ACSM2B: variants seen among roughly 807,000 people sequenced by gnomAD.
ACSM2B encodes acyl-coenzyme A synthetase ACSM2B, mitochondrial.
A neutral mutation model predicts 78.6 loss-of-function variants in ACSM2B; 58 were observed. The ratio of observed to expected loss-of-function variants is 0.74; its 90% CI spans 0.60 to 0.92. ACSM2B has a LOEUF of 0.92. ACSM2B is among the 40% of genes least tolerant of loss of function. The pLI, the probability that ACSM2B is intolerant of heterozygous loss-of-function variation, is 0.00. For missense variants in ACSM2B, 688 were observed against 711.2 expected, an observed-to-expected ratio of 0.97 and a Z score of 0.37; for synonymous variants, 257 against 256.8, an observed-to-expected ratio of 1.00 and a Z score of -0.01.
chr16:20,559,852 C>A (rs1567214558), intron 2 of ACSM2B, among the ~76,000 whole-genome samples: 1 of 150,972 alleles, frequency 6.6e-6, no homozygotes, highest in East Asian at 1.9e-4. Flanking sequence ...TGGATCCTCT[C>A]ATCTGATTCT....
chr16:20,544,942 T>C (rs1274789270), intron 10 of ACSM2B: 179 of 1,053,646 alleles, frequency 1.7e-4, no homozygotes, highest in Non-Finnish European at 2.1e-4. Context: ...TGAAGAAAAA[T>C]AAGTCTTCCA....
chr16:20,550,937 C>T (rs1485640490), intron 6 of ACSM2B, among the ~76,000 whole-genome samples: 3 of 152,034 alleles, frequency 2.0e-5, no homozygotes, highest in Non-Finnish European at 2.9e-5. Context: ...TTGGAAATAA[C>T]CCAAAGTTCA....
At chr16:20,558,962 T>C (rs1361536945) in intron 3 of ACSM2B, among the ~76,000 whole-genome samples, 1 of 152,232 alleles carries the variant, frequency 6.6e-6, no homozygotes, top group Admixed American at 6.5e-5. Context: ...TCTGATTAAA[T>C]ACTTACATGT....
intron 2 of ACSM2B, among the ~76,000 whole-genome samples, chr16:20,560,353 T>C (rs764485876): frequency 2.1e-4 from 32 of 151,960 alleles, no homozygotes; most frequent in South Asian, 8.4e-4. Context: ...GGGACCCTCA[T>C]GAATGGCTTA....
chr16:20,552,331 G>A (rs969672070), intron 5 of ACSM2B, 34 bp from the exon 6 acceptor site: 1 of 1,592,510 alleles, frequency 6.3e-7, no homozygotes, highest in African/African-American at 1.3e-5. Context: ...GTACATATAG[G>A]TGGGTGCATG....
At position 20,548,243 on chromosome 16, in the gene ACSM2B, G is replaced by C. The variant is rs192049191; in HGVS notation, c.975-58C>G. The C allele has an allele frequency of 4.1e-4, 660 of 1,611,820 alleles. 10 individuals are homozygous for C. In the East Asian group the frequency reaches 0.014, roughly 34 times the overall value. The stretch of plus-strand genomic sequence containing the variant: ...CTCCCTGGAACCAAAGTCCACTCAG[G>C]CCTAGACTTGGTTTCTGGGTGCTTT... On this transcript the variant is annotated intron_variant, in intron 7 of 13. Transcript: ENST00000329697.
chr16:20,553,037 T>C (rs2015366726), intron 5 of ACSM2B, among the ~76,000 whole-genome samples: 1 of 152,228 alleles, frequency 6.6e-6, no homozygotes, highest in Admixed American at 6.5e-5. Flanking sequence ...TTAAGTAATT[T>C]ATCCCCATCT....
chr16:20,566,698 G>GA (rs2015875812), intron 1 of ACSM2B, among the ~76,000 whole-genome samples: 2 of 5,434 alleles, frequency 3.7e-4, no homozygotes, highest in African/African-American at 1.2e-3. Context: ...ACTATATATA[G>GA]TATATATATA....
intron 6 of ACSM2B, among the ~76,000 whole-genome samples, chr16:20,551,392 G>T (rs942031946): frequency 6.6e-6 from 1 of 152,028 alleles, no homozygotes. Flanking sequence ...AATGAAGCAG[G>T]TGCCCCAGTG....
intron 3 of ACSM2B, among the ~76,000 whole-genome samples, chr16:20,557,738 A>G (rs917425449): frequency 3.9e-5 from 6 of 152,148 alleles, no homozygotes; most frequent in African/African-American, 9.7e-5. Context: ...ACTTTCTTTT[A>G]TGGCCTGGAC....
chr16:20,572,182 A>G (rs913165105), intron 1 of ACSM2B, among the ~76,000 whole-genome samples: 2 of 150,694 alleles, frequency 1.3e-5, no homozygotes, highest in Non-Finnish European at 3.0e-5. Flanking sequence ...TGTGAGGTTT[A>G]TGCTTTAAAA....
intron 10 of ACSM2B, among the ~76,000 whole-genome samples, 173 bp from the exon 11 acceptor site, chr16:20,543,435 G>A (rs997822072): frequency 6.6e-6 from 1 of 152,204 alleles, no homozygotes; most frequent in Non-Finnish European, 1.5e-5. Context: ...GGCAGAACTG[G>A]ATTTTTCCCA....
chr16:20,547,978 T>G, intron 8 of ACSM2B, 84 bp downstream of exon 8: 1 of 1,593,134 alleles, frequency 6.3e-7, no homozygotes, highest in South Asian at 1.1e-5. Flanking sequence ...GAATGATACA[T>G]GGTGGCTAAC....
At chr16:20,548,283 C>T in intron 7 of ACSM2B, 98 bp from the exon 8 acceptor site, 3 of 1,607,676 alleles carry the variant, frequency 1.9e-6, no homozygotes, top group South Asian at 1.1e-5. Context: ...ATGCAAATGG[C>T]TTCATGGGGC....
intron 1 of ACSM2B, among the ~76,000 whole-genome samples, chr16:20,565,956 T>C (rs1179994031): frequency 2.6e-5 from 4 of 151,622 alleles, no homozygotes; most frequent in East Asian, 1.9e-4. Flanking sequence ...CTTTGAGCGA[T>C]GGTCTCCAAT....
At chr16:20,550,720 C>T (rs953995605) in intron 6 of ACSM2B, among the ~76,000 whole-genome samples, 2 of 152,134 alleles carry the variant, frequency 1.3e-5, no homozygotes, top group African/African-American at 4.8e-5. Flanking sequence ...TCTGGGGGCA[C>T]AGCAGGGAAA....
chr16:20,567,568 T>C (rs931130922), intron 1 of ACSM2B, among the ~76,000 whole-genome samples: 6 of 132,736 alleles, frequency 4.5e-5, no homozygotes, highest in Admixed American at 4.3e-4. Context: ...ATATAAATTA[T>C]ATATAAAAAT....
intron 12 of ACSM2B, chr16:20,542,373 G>C (rs565219862): frequency 4.4e-4 from 67 of 151,566 alleles, no homozygotes; most frequent in Admixed American, 1.4e-3. Flanking sequence ...TCTGTGCCTG[G>C]CTTACTTCAG....
rs777315522 is a variant in ACSM2B, at chr16:20,548,111, C to T, written c.1049G>A (p.Arg350Lys). 3 of 1,613,950 alleles carry T rather than the reference C, an allele frequency of 1.9e-6. No homozygotes were observed. Among genetic ancestry groups the T allele is most frequent in the Admixed American group, 1.7e-5 (1 of 60,006 alleles). The part of the protein sequence containing the change: ...SLLPETLENW[R>K]AQTGLDIREF... ...TCGGATGTCCAGTCCTGTCTGGGCC[C>T]TCCAGTTCTCCAGAGTTTCTGGAAG... Residue 350 changes from arginine to lysine, a missense_variant, in exon 8 of 14, where the codon AGG (arginine) becomes AAG (lysine). Arg to Lys is a conservative substitution (Grantham distance 26). Transcript: ENST00000329697.
Sources: gnomAD v4.1 joint callset for allele counts (sites outside exome capture counted in the v4.1 genomes callset) on GRCh38, gnomAD v4.1.1 for gene constraint, MANE v1.5 for transcripts, NCBI Gene and HGNC (gene_info 2026-07-23, HGNC 2026-07-21) for gene names.